EPM2A: variants seen among roughly 807,000 people sequenced by gnomAD.
The protein encoded by EPM2A is EPM2A glucan phosphatase, laforin.
Under a neutral mutation model 26.5 loss-of-function variants are expected in EPM2A, and 21 were observed. The ratio of observed to expected loss-of-function variants is 0.79; its 90% confidence interval spans 0.56 to 1.14. EPM2A has a LOEUF of 1.14. Among genes scored for constraint, EPM2A ranks in the 50% most tolerant of loss-of-function variants. EPM2A has a pLI of 0.00. For missense variants in EPM2A, 458 were observed against 440.8 expected (o/e 1.04, Z -0.35); for synonymous variants, 217 against 177.6 (o/e 1.22, Z -1.76).
intron 2 of EPM2A, among the ~76,000 whole-genome samples, chr6:145,563,721 G>A (rs1434684360): frequency 6.6e-6 from 1 of 152,084 alleles, no homozygotes; most frequent in East Asian, 1.9e-4. Context: ...TTGCACCAAA[G>A]AGTTTAGCCT....
intron 4 of EPM2A, among the ~76,000 whole-genome samples, chr6:145,450,408 C>G (rs922565014): frequency 8.1e-5 from 12 of 148,412 alleles, no homozygotes. Context: ...TAAATTGGCA[C>G]AACCACTAAC....
intron 2 of EPM2A, among the ~76,000 whole-genome samples, chr6:145,586,215 T>C (rs959863886): frequency 6.6e-6 from 1 of 152,246 alleles, no homozygotes; most frequent in Non-Finnish European, 1.5e-5. Context: ...TAGGGGATTA[T>C]TGCTTGATGT....
At chr6:145,519,966 A>T (rs1296419967) in intron 2 of EPM2A, among the ~76,000 whole-genome samples, 1 of 152,008 alleles carries the variant, frequency 6.6e-6, no homozygotes, top group Admixed American at 6.5e-5. Flanking sequence ...ATAATACAAA[A>T]TTTTTTTGCC....
At chr6:145,722,410 T>G (rs547047466) in intron 1 of EPM2A, among the ~76,000 whole-genome samples, 8 of 152,306 alleles carry the variant, frequency 5.3e-5, no homozygotes, top group African/African-American at 1.9e-4. Context: ...CTCAATTCTC[T>G]TCTTACTGAT....
chr6:145,438,190 T>C (rs1430459929), intron 4 of EPM2A, among the ~76,000 whole-genome samples: 2 of 152,190 alleles, frequency 1.3e-5, no homozygotes, highest in Admixed American at 1.3e-4. Flanking sequence ...AATGGTGTCA[T>C]GGGACAAGGT....
chr6:145,390,583 CTCTT>C (rs1359724832), intron 4 of EPM2A, among the ~76,000 whole-genome samples: 9 of 152,064 alleles, frequency 5.9e-5, no homozygotes, highest in Admixed American at 4.6e-4. Flanking sequence ...CTCTCTCTCT[CTCTT>C]TCTTTCTCTC....
chr6:145,506,638 CA>C (rs1779977842), intron 2 of EPM2A, among the ~76,000 whole-genome samples: 2 of 152,022 alleles, frequency 1.3e-5, no homozygotes, highest in South Asian at 4.2e-4. Context: ...AATATGAACT[CA>C]AGCATATGGA....
chr6:145,678,398 A>G (rs1250350025), intron 2 of EPM2A, among the ~76,000 whole-genome samples: 4 of 152,212 alleles, frequency 2.6e-5, no homozygotes, highest in Non-Finnish European at 5.9e-5. Context: ...AAATTGACAA[A>G]TGGGATCTAA....
intron 2 of EPM2A, among the ~76,000 whole-genome samples, chr6:145,540,704 G>A (rs966702330): frequency 1.3e-5 from 2 of 152,054 alleles, no homozygotes; most frequent in African/African-American, 2.4e-5. Flanking sequence ...TAGTAAAGAC[G>A]CATTTCAGAA....
At position 145,463,411 on chromosome 6, in the gene EPM2A, C is replaced by G. The variant is rs549965840; in HGVS notation, c.555+39111G>C. ...TGCCTAGTAAGTATCCCCAGATCAC[C>G]TCCCATGCAATATGTAAGATATATA... On this transcript the variant is annotated intron_variant, in intron 4 of 4. Transcript: ENST00000638717. 5 of 152,096 alleles carry G rather than the reference C, an allele frequency of 3.3e-5. No individual in the cohort carries two copies. In the South Asian group the frequency reaches 1.0e-3, roughly 32 times the overall value. The allele number at this position is 152,096 out of a possible 1,614,324, so 9.4% of individuals were successfully genotyped here.
intron 2 of EPM2A, among the ~76,000 whole-genome samples, chr6:145,586,569 C>T (rs866600114): frequency 2.6e-5 from 4 of 151,972 alleles, no homozygotes; most frequent in Admixed American, 2.6e-4. Flanking sequence ...TTTTTTTGAG[C>T]ATCATTAAAA....
At chr6:145,472,983 C>A (rs1196104748) in intron 4 of EPM2A, among the ~76,000 whole-genome samples, 1 of 151,896 alleles carries the variant, frequency 6.6e-6, no homozygotes, top group Non-Finnish European at 1.5e-5. Context: ...TCTTCAATTC[C>A]CAGACACTGA....
At chr6:145,438,075 G>T (rs1779011844) in intron 4 of EPM2A, among the ~76,000 whole-genome samples, 1 of 152,136 alleles carries the variant, frequency 6.6e-6, no homozygotes, top group Non-Finnish European at 1.5e-5. Flanking sequence ...CCTCTTTTCA[G>T]GTGGTGTATG....
Position 145,592,552 on chromosome 6 carries a change from T to C in EPM2A, c.340+42693A>G, listed in dbSNP as rs1035877314. On this transcript the variant is annotated intron_variant, in intron 2 of 3. Transcript: ENST00000450221. ...GTAATGGGATGGCTGCGTCAAATGG[T>C]ATTTCTAGTTCTACAATGGTTGAAC... Among the ~76,000 whole-genome samples the C allele has an allele frequency of 2.0e-5, 3 of 152,104 alleles. No homozygotes were observed. In the East Asian group the frequency reaches 5.8e-4, roughly 29 times the overall value.
intron 4 of EPM2A, among the ~76,000 whole-genome samples, chr6:145,401,108 T>C (rs749668088): frequency 6.6e-6 from 1 of 152,136 alleles, no homozygotes; most frequent in Non-Finnish European, 1.5e-5. Flanking sequence ...ACAAATATAT[T>C]TCCATTATCA....
intron 2 of EPM2A, chr6:145,682,782 C>T (rs1780638773): frequency 1.3e-5 from 2 of 152,118 alleles, no homozygotes; most frequent in Non-Finnish European, 2.9e-5. Flanking sequence ...AGGATATTGG[C>T]AATTCCATTC....
intron 2 of EPM2A, among the ~76,000 whole-genome samples, chr6:145,510,245 T>C (rs990964752): frequency 2.0e-5 from 3 of 152,076 alleles, no homozygotes; most frequent in Non-Finnish European, 2.9e-5. Flanking sequence ...CTAGACCTAA[T>C]AGACTTCTAA....
In EPM2A at chr6:145,686,217, T is replaced by A; in HGVS notation, c.381A>T (p.Gly127=). Residue 127 remains glycine, a synonymous_variant, in exon 2 of 4, where the codon GGA becomes GGT. Coordinates refer to ENST00000367519, the MANE Select transcript of EPM2A (RefSeq NM_005670.4). ...TGTGCCCAGTGGCCTCAATCCAGTG[T>A]CCTATTGGGAGACAATACACACCAT... ...LVDGVYCLPI[G]HWIEATGHTN... The A allele has an allele frequency of 6.2e-7, 1 of 1,613,764 alleles. No homozygotes were observed. Among genetic ancestry groups the A allele is most frequent in the African/African-American group, 1.3e-5 (1 of 75,030 alleles).
intron 2 of EPM2A, among the ~76,000 whole-genome samples, chr6:145,556,693 T>C (rs1174972554): frequency 6.6e-6 from 1 of 152,148 alleles, no homozygotes; most frequent in East Asian, 1.9e-4. Flanking sequence ...CTCATCTTTT[T>C]CTATTCCCAA....
Sources: gnomAD v4.1 joint callset for allele counts (sites outside exome capture counted in the v4.1 genomes callset) on GRCh38, gnomAD v4.1.1 for gene constraint, MANE v1.5 for transcripts, NCBI Gene and HGNC (gene_info 2026-07-23, HGNC 2026-07-21) for gene names.